The following CDIP1 variants were observed in gnomAD, a reference collection of about 807,000 sequenced individuals.
CDIP1 encodes the protein cell death-inducing p53-target protein 1.
In CDIP1, 9 loss-of-function variants were observed where a neutral mutation model predicts 17.7. That is an observed-to-expected ratio of 0.51 (90% confidence interval 0.31 to 0.89). The LOEUF is 0.89. CDIP1 is among the 40% of genes least tolerant of loss of function. The pLI is 0.05. For missense variants in CDIP1, 263 were observed against 277.9 expected (o/e 0.95, Z 0.38); for synonymous variants, 117 against 109.5 (o/e 1.07, Z -0.43).
At chr16:4,530,653 AAAAAAAACAAAAAC>A (rs2059046825) in intron 1 of CDIP1, among the ~76,000 whole-genome samples, 2 of 151,528 alleles carry the variant, frequency 1.3e-5, no homozygotes, top group Admixed American at 1.3e-4. Context: ...CATCTCAAAA[AAAAAAAACAAAAAC>A]AAAAAAAACA....
intron 1 of CDIP1, among the ~76,000 whole-genome samples, chr16:4,534,334 G>A (rs1299345369): frequency 1.3e-5 from 2 of 152,174 alleles, no homozygotes; most frequent in Non-Finnish European, 2.9e-5. Flanking sequence ...TGCGTCCTCA[G>A]GAAAGTACTT....
chr16:4,522,481 G>A (rs1312662383), intron 1 of CDIP1: 2 of 152,288 alleles, frequency 1.3e-5, no homozygotes, highest in Non-Finnish European at 2.9e-5. Flanking sequence ...TCCCCAGGAG[G>A]CAGGTCCCAG....
At position 4,512,879 on chromosome 16, in the gene CDIP1, GA is replaced by G; in HGVS notation, c.426del (p.His144ThrfsTer16). On this transcript the variant is annotated frameshift_variant, in exon 5 of 6. Transcript: ENST00000567695. LOFTEE classifies it high-confidence loss of function. This position sits in a 1 kb window ranked among gnomAD's most constrained non-coding sequence, Gnocchi z 4.6. ...GTGGTGATGGCCTGCTGGCAGTGGG[GA>G]CACACCGTCTGCACAGGCGCTCCCT... Reference protein sequence around the residue: ...IFEGAPVQTVCPHCQQAITTK... With the variant: ...IFEGAPVQTVXPHCQQAITTK... 1 of 1,565,104 alleles carries G rather than the reference GA, an allele frequency of 6.4e-7. No individual in the cohort carries two copies. The highest frequency in any genetic ancestry group is 8.7e-7 in the Non-Finnish European group (1 of 1,154,288).
chr16:4,512,738 C>A lies in CDIP1; in HGVS notation c.515+53G>T. On this transcript the variant is annotated intron_variant, in intron 5 of 5. Coordinates refer to ENST00000567695, the MANE Select transcript of CDIP1 (RefSeq NM_013399.3). This position sits in a 1 kb window ranked among gnomAD's most constrained non-coding sequence, Gnocchi z 4.6. ...AGGCCTGCTGCGGAGGAGGCAGAGG[C>A]AGCCAGTTGACCCTGGTGCAGCCCC... is the stretch of plus-strand genomic sequence containing the variant. The A allele has an allele frequency of 1.2e-6, 2 of 1,604,580 alleles. No individual in the cohort carries two copies. The highest frequency in any genetic ancestry group is 1.7e-4 in the Middle Eastern group (1 of 6,034).
chr16:4,518,743 G>A (rs1158031062), intron 1 of CDIP1, among the ~76,000 whole-genome samples: 1 of 152,230 alleles, frequency 6.6e-6, no homozygotes, highest in African/African-American at 2.4e-5. Flanking sequence ...GTTGTGTAGG[G>A]TGTAATAAAA....
intron 1 of CDIP1, among the ~76,000 whole-genome samples, chr16:4,520,117 GT>G (rs34493542): frequency 1.8e-3 from 261 of 143,206 alleles, no homozygotes; most frequent in Admixed American, 6.6e-3. Flanking sequence ...CAAGTGGTAG[GT>G]TTTTTTTTTT....
rs114677088 is a variant in CDIP1, at chr16:4,516,433, A to T, written c.-104-1769T>A. Among the ~76,000 whole-genome samples, 601 of 152,114 alleles carry T rather than the reference A, an allele frequency of 4.0e-3. 8 individuals are homozygous for T. Among genetic ancestry groups the T allele is most frequent in the African/African-American group, 0.01 (419 of 41,496 alleles). On this transcript the variant is annotated intron_variant, in intron 1 of 5. Transcript: ENST00000567695. Reference sequence around the variant, plus strand: ...AATTATGTCAATAAAACTTATTTTTAAAAAAAATGAGGGAAAAGAAAATTA... The same window carrying T: ...AATTATGTCAATAAAACTTATTTTTTAAAAAAATGAGGGAAAAGAAAATTA...
At chr16:4,531,004 C>G (rs755999512) in intron 1 of CDIP1, among the ~76,000 whole-genome samples, 1 of 151,820 alleles carries the variant, frequency 6.6e-6, no homozygotes, top group Non-Finnish European at 1.5e-5. Flanking sequence ...CAGGAGCTCA[C>G]GTCATGATTG....
chr16:4,520,858 C>T (rs1471594019), intron 1 of CDIP1, among the ~76,000 whole-genome samples: 1 of 152,130 alleles, frequency 6.6e-6, no homozygotes, highest in Non-Finnish European at 1.5e-5. Context: ...TGAATAACCA[C>T]GGTGTGTGCC....
rs771074115 is a variant in CDIP1 at position 4,513,809 on chromosome 16, G to A, written c.128C>T (p.Pro43Leu). 1.9e-5 allele frequency: 31 copies of A among 1,599,164 alleles called. No homozygotes were observed. Among genetic ancestry groups the A allele is most frequent in the Non-Finnish European group, 2.6e-5 (30 of 1,172,078 alleles). ...PAVMQPPPGM[P>L]LPPADIGPPP... Reference sequence around the variant, plus strand: ...GGGGCCAATGTCCGCAGGGGGCAGTGGCATGCCTGGAGGGGGCTGCATCAC... The same window carrying A: ...GGGGCCAATGTCCGCAGGGGGCAGTAGCATGCCTGGAGGGGGCTGCATCAC... Residue 43 changes from proline (P) to leucine (L), a missense_variant, in exon 4 of 6, where the codon CCA becomes CTA. By Grantham distance (98) the Pro-to-Leu change is moderately conservative (BLOSUM62 -3). Transcript: ENST00000567695. The surrounding 1 kb of genome is among the most constrained non-coding windows in gnomAD (Gnocchi z 4.1).
In CDIP1 at chr16:4,527,401, A is replaced by C. The variant is rs114579630; in HGVS notation, c.-105+11301T>G. Among the ~76,000 whole-genome samples the C allele has an allele frequency of 9.7e-3, 1,469 of 152,198 alleles. 24 individuals carry two copies. The highest frequency in any genetic ancestry group is 0.034 in the African/African-American group (1,409 of 41,534). ...CGCACCCGGTGACACTGTTGCTCTTAAGCAGAAGCAAAATCAAAAGGCAGA... is the reference window on the plus strand; with the variant it reads ...CGCACCCGGTGACACTGTTGCTCTTCAGCAGAAGCAAAATCAAAAGGCAGA... On this transcript the variant is annotated intron_variant, in intron 1 of 5. Transcript: ENST00000567695.
intron 1 of CDIP1, among the ~76,000 whole-genome samples, chr16:4,524,865 T>C (rs2058983664): frequency 6.6e-6 from 1 of 152,172 alleles, no homozygotes; most frequent in African/African-American, 2.4e-5. Context: ...GCACTTTGGA[T>C]GCCAAGGTGG....
chr16:4,527,090 CTTTT>C (rs760461374), intron 1 of CDIP1, among the ~76,000 whole-genome samples: 7 of 140,410 alleles, frequency 5.0e-5, no homozygotes, highest in African/African-American at 1.3e-4. Context: ...GACACTGTTA[CTTTT>C]TTTTTTTTTT....
chr16:4,525,254 T>C (rs1275075911), intron 1 of CDIP1, among the ~76,000 whole-genome samples: 1 of 152,182 alleles, frequency 6.6e-6, no homozygotes, highest in African/African-American at 2.4e-5. Flanking sequence ...GAATACTCCC[T>C]GGCGGGAAGG....
At position 4,514,245 on chromosome 16, in the gene CDIP1, C is replaced by T. The variant is rs2058866033; in HGVS notation, c.-14-101G>A. On this transcript the variant is annotated intron_variant, in intron 2 of 5. Transcript: ENST00000567695. This position sits in a 1 kb window ranked among gnomAD's most constrained non-coding sequence, Gnocchi z 5.2. ...CCAAGATGCTGCACAAGGCGTGTGACCATCCTCAGAAGGGTCTGCCTCCAG... is the reference window on the plus strand; with the variant it reads ...CCAAGATGCTGCACAAGGCGTGTGATCATCCTCAGAAGGGTCTGCCTCCAG... 2 of 672,382 alleles carry T rather than the reference C, an allele frequency of 3.0e-6. No homozygotes were observed. The highest frequency in any genetic ancestry group is 5.0e-6 in the Non-Finnish European group (2 of 400,790). The allele number at this position is 672,382 out of a possible 1,614,324, so 41.7% of individuals were successfully genotyped here.
chr16:4,524,733 A>G (rs1369920755), intron 1 of CDIP1, among the ~76,000 whole-genome samples: 1 of 152,212 alleles, frequency 6.6e-6, no homozygotes, highest in East Asian at 1.9e-4. Context: ...CATCTTCCAC[A>G]TGAGTAATAA....
intron 1 of CDIP1, among the ~76,000 whole-genome samples, chr16:4,534,020 G>C (rs112092430): frequency 0.022 from 3,291 of 151,978 alleles, 113 homozygotes; most frequent in African/African-American, 0.074. Context: ...GTGCGATCTC[G>C]GCTAGCTGCA....
rs148305648 is a variant in CDIP1 at position 4,537,311 on chromosome 16, G to C, written c.-105+1391C>G. Among the ~76,000 whole-genome samples the C allele has an allele frequency of 7.2e-5, 11 of 152,286 alleles. No individual in the cohort carries two copies. The East Asian group carries it at 2.1e-3, about 29-fold the overall frequency. On this transcript the variant is annotated intron_variant, in intron 1 of 5. Coordinates refer to ENST00000567695, the MANE Select transcript of CDIP1 (RefSeq NM_013399.3). ...TGTAAAATTCCTTCAACTTTTGTAT[G>C]TTTCACGTTTTTCGTAACTGAATGT...
chr16:4,519,531 G>A (rs1394490386), intron 1 of CDIP1, among the ~76,000 whole-genome samples: 11 of 152,290 alleles, frequency 7.2e-5, no homozygotes, highest in Middle Eastern at 3.4e-3. Context: ...GCCTCTCCCC[G>A]CGGCCCTTCC....
Sources: gnomAD v4.1 joint callset for allele counts (sites outside exome capture counted in the v4.1 genomes callset) on GRCh38, gnomAD v4.1.1 for gene constraint, Gnocchi (gnomAD v3.1) non-coding constraint, MANE v1.5 for transcripts, NCBI Gene and HGNC (gene_info 2026-07-23, HGNC 2026-07-21) for gene names.